DMBT1: variants seen among roughly 807,000 people sequenced by gnomAD.
DMBT1 encodes deleted in malignant brain tumors 1, also known as scavenger receptor cysteine-rich domain-containing protein DMBT1.
Under a neutral mutation model 252.9 loss-of-function variants are expected in DMBT1, and 198 were observed. The observed-to-expected ratio is 0.78, with a 90% CI of 0.70 to 0.88. The LOEUF (loss-of-function observed/expected upper bound fraction) is 0.88, where lower values mean the gene tolerates loss of function less well. Among genes scored for constraint, DMBT1 ranks in the 40% least tolerant of loss-of-function variants. DMBT1 has a pLI of 0.00. For synonymous variants in DMBT1, 990 were observed against 942.7 expected, an observed-to-expected ratio of 1.05 and a Z score of -0.92; for missense variants, 2,432 against 2,404.7, an observed-to-expected ratio of 1.01 and a Z score of -0.24.
chr10:122,642,014 C>T (rs1403657601), intron 55 of DMBT1, among the ~76,000 whole-genome samples: 1 of 152,136 alleles, frequency 6.6e-6, no homozygotes, highest in Admixed American at 6.5e-5. Flanking sequence ...TTCGCTGTGG[C>T]ATTCTGGTCT....
At position 122,620,308 on chromosome 10, in the gene DMBT1, CCCCT is replaced by C. The variant is rs762508757; in HGVS notation, c.5284+22_5284+25del. On this transcript the variant is annotated intron_variant, in intron 43 of 55. Coordinates refer to ENST00000338354, the MANE Select transcript of DMBT1 (RefSeq NM_001377530.1). ...TGACAGTAGGTAAATAATCCTCTCG[CCCCT>C]CCCTAGGGCTCACTCTCTACCTCTG... is the stretch of plus-strand genomic sequence containing the variant. 7 of 1,613,700 alleles carry C rather than the reference CCCCT, an allele frequency of 4.3e-6. No individual in the cohort carries two copies. In the Admixed American group the frequency reaches 1.2e-4, roughly 27 times the overall value.
At chr10:122,600,234 T>A (rs1489708455) in intron 27 of DMBT1, 141 bp downstream of exon 27, 2 of 1,292,352 alleles carry the variant, frequency 1.5e-6, no homozygotes, top group African/African-American at 3.2e-5. Flanking sequence ...GTTGTGTAAC[T>A]GAGACCCCAG....
chr10:122,599,605 C>G (rs1030924309), intron 26 of DMBT1, among the ~76,000 whole-genome samples: 3 of 152,168 alleles, frequency 2.0e-5, no homozygotes, highest in African/African-American at 7.2e-5. Context: ...AGGTTGGAGT[C>G]CTTGACCTCA....
intron 25 of DMBT1, 105 bp from the exon 26 acceptor site, chr10:122,598,669 G>T: frequency 6.3e-7 from 1 of 1,578,428 alleles, no homozygotes; most frequent in South Asian, 1.2e-5. Context: ...GTGACTGCCT[G>T]CCCAGGTGAC....
At position 122,633,179 on chromosome 10, in the gene DMBT1, T is replaced by C; in HGVS notation, c.6398-12T>C. The C allele has an allele frequency of 1.2e-6, 2 of 1,613,598 alleles. No individual in the cohort carries two copies. Among genetic ancestry groups the C allele is most frequent in the Middle Eastern group, 1.7e-4 (1 of 6,060 alleles). The stretch of plus-strand genomic sequence containing the variant: ...TGGGGGTCACCGACATTCCCACTTT[T>C]TGTCCTGACAGCAGATTATTCCTGC... On this transcript the variant is annotated splice_polypyrimidine_tract_variant and intron_variant, in intron 51 of 55. Transcript: ENST00000338354.
chr10:122,598,646 T>C (rs913854674), intron 25 of DMBT1, 128 bp from the exon 26 acceptor site: 12 of 1,542,358 alleles, frequency 7.8e-6, no homozygotes, highest in Admixed American at 1.9e-5. Context: ...TCTGATTTTA[T>C]TCATATTCAA....
chr10:122,568,279 G>A (rs2097620581), intron 2 of DMBT1, among the ~76,000 whole-genome samples: 1 of 152,158 alleles, frequency 6.6e-6, no homozygotes, highest in African/African-American at 2.4e-5. Context: ...TGGGGGGTAG[G>A]ATGGCCAGGA....
At position 122,633,788 on chromosome 10, in the gene DMBT1, G is replaced by A. The variant is rs114675580; in HGVS notation, c.6548+447G>A. 4.2e-3 allele frequency among the ~76,000 whole-genome samples: 644 copies of A among 152,310 alleles called. 2 individuals carry two copies. The highest frequency in any genetic ancestry group is 0.015 in the African/African-American group (622 of 41,570). The stretch of plus-strand genomic sequence containing the variant: ...ATGTTGTCCAGTGGAAAAGATGGTT[G>A]TTAAGTAGTAATGATAGACTTAGGG... On this transcript the variant is annotated intron_variant, in intron 52 of 55. Transcript: ENST00000338354.
At chr10:122,599,211 C>G in intron 26 of DMBT1, 114 bp downstream of exon 26, 2 of 1,550,602 alleles carry the variant, frequency 1.3e-6, no homozygotes, top group Non-Finnish European at 1.7e-6. Flanking sequence ...TTCTATATTT[C>G]TGAAGACTTG....
rs111541582 is a variant in DMBT1, at chr10:122,561,569, C to CCT, written c.61+753_61+754dup. ...TTGTCTCTCTCTTCCTGTCTCTCTG[C>CCT]CTCTCTCTCTCTCTCTTTCTCTCTT... On this transcript the variant is annotated intron_variant, in intron 1 of 55. Transcript: ENST00000338354. 6.7e-3 allele frequency among the ~76,000 whole-genome samples: 608 copies of CCT among 90,256 alleles called. 4 individuals carry two copies. The highest frequency in any genetic ancestry group is 0.024 in the African/African-American group (565 of 23,780). The allele number at this position is 90,256 out of a possible 152,430, so 59.2% of individuals were successfully genotyped here. A position where few individuals can be genotyped will look rare whatever the true frequency, so the allele number is the denominator to read the frequency against.
chr10:122,571,777 A>G (rs2097665881), intron 4 of DMBT1, among the ~76,000 whole-genome samples: 1 of 152,172 alleles, frequency 6.6e-6, no homozygotes, highest in African/African-American at 2.4e-5. Context: ...CCAGGCTACC[A>G]TGCCTGGGGT....
chr10:122,619,653 C>T (rs2098042420), intron 42 of DMBT1, among the ~76,000 whole-genome samples: 1 of 152,184 alleles, frequency 6.6e-6, no homozygotes, highest in Admixed American at 6.5e-5. Context: ...CTGATACAAC[C>T]TTTCTGAGAA....
intron 40 of DMBT1, 59 bp from the exon 41 acceptor site, chr10:122,617,958 G>T: frequency 6.2e-7 from 1 of 1,603,538 alleles, no homozygotes; most frequent in Middle Eastern, 2.2e-4. Context: ...TGTGGAACTT[G>T]CCTTAGATTG....
chr10:122,581,724 AG>A lies in DMBT1; in HGVS notation c.1034-68del, dbSNP rs1460842820. 1,735 of 443,284 alleles carry A rather than the reference AG, an allele frequency of 3.9e-3. 2 individuals carry two copies. In the African/African-American group the frequency reaches 0.045, roughly 11 times the overall value. 27.5% of individuals were successfully genotyped at this position (443,284 alleles called of 1,614,324 possible). ...TTGTCACGTTGATTCCTCCTCCCAG[AG>A]ATCCTTTTGTTCTGTGCCTTTTCCC... On this transcript the variant is annotated intron_variant, in intron 11 of 55. Coordinates refer to ENST00000338354, the MANE Select transcript of DMBT1 (RefSeq NM_001377530.1).
intron 19 of DMBT1, 28 bp from the exon 20 acceptor site, chr10:122,592,244 G>A: frequency 1.3e-6 from 2 of 1,583,698 alleles, no homozygotes; most frequent in Non-Finnish European, 1.7e-6. Flanking sequence ...GGTAGGGATG[G>A]ATAAAGGGTT....
In DMBT1 at chr10:122,617,217, G is replaced by A; in HGVS notation, c.4859-11G>A. ...TCTAATTCTGTCTTTTTTCTTTGTT[G>A]CTATTTACAGACACTTGGCCAACCT... On this transcript the variant is annotated splice_polypyrimidine_tract_variant and intron_variant, in intron 39 of 55. Transcript: ENST00000338354. The A allele has an allele frequency of 1.9e-6, 3 of 1,608,794 alleles. No homozygotes were observed. Among genetic ancestry groups the A allele is most frequent in the Non-Finnish European group, 1.7e-6 (2 of 1,178,362 alleles).
At chr10:122,600,224 G>A in intron 27 of DMBT1, 131 bp downstream of exon 27, 1 of 1,338,048 alleles carries the variant, frequency 7.5e-7, no homozygotes, top group South Asian at 1.5e-5. Flanking sequence ...CCCAACACCA[G>A]TTGTGTAACT....
intron 6 of DMBT1, 76 bp downstream of exon 6, chr10:122,573,838 G>C: frequency 6.4e-7 from 1 of 1,556,416 alleles, no homozygotes; most frequent in South Asian, 1.1e-5. Flanking sequence ...ATTCAGATGA[G>C]GTGCAGAGGG....
chr10:122,628,505 G>A (rs1396193655), intron 46 of DMBT1, among the ~76,000 whole-genome samples: 1 of 152,078 alleles, frequency 6.6e-6, no homozygotes, highest in Non-Finnish European at 1.5e-5. Flanking sequence ...GCATAGTGGT[G>A]GGCGGCTGTA....
Sources: gnomAD v4.1 joint callset for allele counts (sites outside exome capture counted in the v4.1 genomes callset) on GRCh38, gnomAD v4.1.1 for gene constraint, MANE v1.5 for transcripts, NCBI Gene and HGNC (gene_info 2026-07-23, HGNC 2026-07-21) for gene names.